The following UQCR11 variants were observed in gnomAD, a reference collection of about 807,000 sequenced individuals.
UQCR11 encodes cytochrome b-c1 complex subunit 10.
Under a neutral mutation model 7.6 loss-of-function variants are expected in UQCR11, and 10 were observed. The observed-to-expected ratio is 1.31, with a 90% CI of 0.81 to 2.22. The LOEUF (loss-of-function observed/expected upper bound fraction) is 2.22. UQCR11 is among the 30% of genes most tolerant of loss of function. The pLI, the probability that UQCR11 is intolerant of heterozygous loss-of-function variation, is 0.00. For synonymous variants in UQCR11, 34 were observed against 34.9 expected (o/e 0.97, Z 0.09); for missense variants, 86 against 75.1 (o/e 1.15, Z -0.54).
rs376609208 is a variant in UQCR11, at chr19:1,603,496, TTA to T, written c.50+1862_50+1863del. ...GGCGGGCGCCTGTAGTCCCAGCTAC[TTA>T]TGGGAGGCTGAGGCAGGAGAATGGC... On this transcript the variant is annotated intron_variant, in intron 1 of 2. Coordinates refer to ENST00000591899, the MANE Select transcript of UQCR11 (RefSeq NM_006830.4). Among the ~76,000 whole-genome samples, 735 of 152,112 alleles carry T rather than the reference TTA, an allele frequency of 4.8e-3. 8 individuals are homozygous for T. The highest frequency in any genetic ancestry group is 0.017 in the African/African-American group (698 of 41,496).
At position 1,599,536 on chromosome 19, in the gene UQCR11, G is replaced by A. The variant is rs745336514; in HGVS notation, c.75C>T (p.Gly25=). The part of the protein sequence containing the change: ...KNWVPTAYTW[G]AVGAVGLVWA... Reference sequence around the variant, plus strand: ...ACACCAGCCCCACGGCGCCCACAGCGCCCCATGTGTAGGCCGTCGGGACCC... The same window carrying A: ...ACACCAGCCCCACGGCGCCCACAGCACCCCATGTGTAGGCCGTCGGGACCC... The change falls in exon 2 of 3, where the codon GGC becomes GGT. Residue 25 remains glycine, a synonymous_variant. Coordinates refer to ENST00000591899, the MANE Select transcript of UQCR11 (RefSeq NM_006830.4). 2.0e-5 allele frequency: 33 copies of A among 1,612,118 alleles called. 1 individual carries two copies. Among genetic ancestry groups the A allele is most frequent in the South Asian group, 7.7e-5 (7 of 91,086 alleles).
chr19:1,599,794 C>A (rs2060741909), intron 1 of UQCR11, among the ~76,000 whole-genome samples: 1 of 152,230 alleles, frequency 6.6e-6, no homozygotes, highest in Admixed American at 6.5e-5. Context: ...GGGAGTGGAG[C>A]TGGGGGGAGG....
intron 2 of UQCR11, 187 bp downstream of exon 2, chr19:1,599,225 G>A: frequency 1.5e-6 from 1 of 676,632 alleles, no homozygotes; most frequent in South Asian, 1.9e-5. Context: ...AGGCTGCGGG[G>A]CGGACAGTTC....
chr19:1,603,818 G>C (rs1339625326), intron 1 of UQCR11, among the ~76,000 whole-genome samples: 1 of 152,170 alleles, frequency 6.6e-6, no homozygotes, highest in Admixed American at 6.5e-5. Flanking sequence ...AACGCCACCG[G>C]CACCATCACA....
chr19:1,601,030 A>G (rs1357340621), intron 1 of UQCR11, among the ~76,000 whole-genome samples: 1 of 151,958 alleles, frequency 6.6e-6, no homozygotes, highest in East Asian at 1.9e-4. Context: ...TTAGCCGGGC[A>G]TGGTGGTGGG....
rs542015483 is a variant in UQCR11 at position 1,605,252 on chromosome 19, G to GGGCCC, written c.50+103_50+107dup. 2.7e-5 allele frequency: 36 copies of GGGCCC among 1,319,160 alleles called. 1 individual carries two copies. The highest frequency in any genetic ancestry group is 1.2e-4 in the East Asian group (4 of 33,082). The allele number at this position is 1,319,160 out of a possible 1,614,324, so 81.7% of individuals were successfully genotyped here. Reference sequence around the variant, plus strand: ...TGTCACCGGGAACAACAAGGGACCTGGGCCCGGCCCGGCCCGGCCCCCGGA... The same window carrying GGGCCC: ...TGTCACCGGGAACAACAAGGGACCTGGGCCCGGCCCGGCCCGGCCCGGCCCCCGGA... On this transcript the variant is annotated intron_variant, in intron 1 of 2. Transcript: ENST00000591899.
rs533485989 is a variant in UQCR11, at chr19:1,603,579, C to G, written c.50+1781G>C. ...CCGAGATTGCGCCACTGCACTCCAG[C>G]CGGGGCGACAGAGCAAGACTCCGTC... On this transcript the variant is annotated intron_variant, in intron 1 of 2. Coordinates refer to ENST00000591899, the MANE Select transcript of UQCR11 (RefSeq NM_006830.4). 3.9e-3 allele frequency among the ~76,000 whole-genome samples: 590 copies of G among 152,262 alleles called. 8 individuals are homozygous for G. The highest frequency in any genetic ancestry group is 0.013 in the African/African-American group (526 of 41,544).
intron 1 of UQCR11, among the ~76,000 whole-genome samples, chr19:1,600,027 C>G (rs1179494380): frequency 6.6e-6 from 1 of 152,214 alleles, no homozygotes; most frequent in Non-Finnish European, 1.5e-5. Context: ...GCCTCCGGTT[C>G]CAAGCTCATG....
chr19:1,601,979 T>A (rs1431614415), intron 1 of UQCR11: 1 of 152,050 alleles, frequency 6.6e-6, no homozygotes, highest in Non-Finnish European at 1.5e-5. Context: ...CTGGCCAACA[T>A]GGTGAAACCT....
chr19:1,601,828 T>C (rs563786558), intron 1 of UQCR11, among the ~76,000 whole-genome samples: 9 of 152,122 alleles, frequency 5.9e-5, no homozygotes, highest in African/African-American at 1.7e-4. Flanking sequence ...TAGATAACAA[T>C]TGCAGGTCCC....
At chr19:1,599,613 C>G in intron 1 of UQCR11, 53 bp from the exon 2 acceptor site, 1 of 1,593,034 alleles carries the variant, frequency 6.3e-7, no homozygotes, top group Admixed American at 1.7e-5. Flanking sequence ...TCTCCAAGAC[C>G]CTCTCCTGCC....
At chr19:1,599,330 G>A in intron 2 of UQCR11, 82 bp downstream of exon 2, 2 of 1,546,764 alleles carry the variant, frequency 1.3e-6, no homozygotes, top group African/African-American at 1.4e-5. Flanking sequence ...TGCCGCCCCG[G>A]CTCTGGGAGC....
At chr19:1,603,690 A>G (rs1165395305) in intron 1 of UQCR11, among the ~76,000 whole-genome samples, 1 of 152,234 alleles carries the variant, frequency 6.6e-6, no homozygotes, top group African/African-American at 2.4e-5. Flanking sequence ...GCTGTGACTG[A>G]ACACAGAAGA....
rs1466774561 is a variant in UQCR11, at chr19:1,597,796, C to T, written c.*448G>A. On this transcript the variant is annotated 3_prime_UTR_variant, in exon 3 of 3. Transcript: ENST00000591899. ...ACATCACTCCCAAATCCCCGACTGA[C>T]ACAGACTGTGAGAGAGTGAATGTTC... The T allele has an allele frequency of 6.6e-6, 1 of 152,254 alleles. No homozygotes were observed. Among genetic ancestry groups the T allele is most frequent in the Non-Finnish European group, 1.5e-5 (1 of 68,052 alleles). 9.4% of individuals were successfully genotyped at this position (152,254 alleles called of 1,614,324 possible).
At chr19:1,599,683 G>C in intron 1 of UQCR11, 123 bp from the exon 2 acceptor site, 1 of 1,422,614 alleles carries the variant, frequency 7.0e-7, no homozygotes, top group Non-Finnish European at 9.3e-7. Flanking sequence ...ACCTGTGCCC[G>C]CCCAGTGCTG....
At chr19:1,598,299 C>G (rs2060737162) in intron 2 of UQCR11, 84 bp from the exon 3 acceptor site, 1 of 152,414 alleles carries the variant, frequency 6.6e-6, no homozygotes, top group Non-Finnish European at 1.5e-5. Context: ...AATCCCAGCA[C>G]TTTGGGAGGC....
intron 1 of UQCR11, 86 bp from the exon 2 acceptor site, chr19:1,599,646 C>T (rs914446550): frequency 8.0e-5 from 124 of 1,547,362 alleles, no homozygotes; most frequent in Non-Finnish European, 1.1e-4. Context: ...CCGTCCTGAG[C>T]GGTGATGGCT....
At chr19:1,600,758 C>T (rs2060744996) in intron 1 of UQCR11, among the ~76,000 whole-genome samples, 1 of 152,168 alleles carries the variant, frequency 6.6e-6, no homozygotes, top group African/African-American at 2.4e-5. Flanking sequence ...CCAGTAGTCT[C>T]AGCTACTAGG....
At chr19:1,603,371 G>A (rs1255348345) in intron 1 of UQCR11, among the ~76,000 whole-genome samples, 1 of 152,174 alleles carries the variant, frequency 6.6e-6, no homozygotes, top group East Asian at 1.9e-4. Context: ...GGGAGGCCGA[G>A]GCAGGTGGAT....
Sources: allele counts gnomAD v4.1 joint callset (sites outside exome capture counted in the v4.1 genomes callset), GRCh38; gene constraint gnomAD v4.1.1; transcripts MANE v1.5; gene names NCBI Gene and HGNC (gene_info 2026-07-23, HGNC 2026-07-21).